The following TLK2 variants were observed in gnomAD, a reference collection of about 807,000 sequenced individuals.
TLK2 encodes tousled like kinase 2.
A neutral mutation model predicts 117.3 loss-of-function variants in TLK2; 6 were observed. The observed-to-expected ratio is 0.05, with a 90% CI of 0.03 to 0.10. TLK2 has a LOEUF of 0.10. TLK2 is among the 10% of genes least tolerant of loss of function. The pLI, the probability that TLK2 is intolerant of heterozygous loss-of-function variation, is 1.00. For synonymous variants in TLK2, 257 were observed against 316.7 expected, an observed-to-expected ratio of 0.81 and a Z score of 2.00; for missense variants, 299 against 901.2, an observed-to-expected ratio of 0.33 and a Z score of 8.56.
chr17:62,608,249 C>A, intron 21 of TLK2, 101 bp downstream of exon 21: 1 of 869,900 alleles, frequency 1.1e-6, no homozygotes, highest in Non-Finnish European at 1.8e-6. Flanking sequence ...TGAAATTCAG[C>A]AGTTAATAAA....
At chr17:62,553,132 G>A (rs894539596) in intron 8 of TLK2, among the ~76,000 whole-genome samples, 1 of 152,256 alleles carries the variant, frequency 6.6e-6, no homozygotes. Flanking sequence ...AGACAGGATC[G>A]TTGGCAATCT....
chr17:62,574,824 AC>A lies in TLK2; in HGVS notation c.1121+1458del, dbSNP rs1413382240. Among the ~76,000 whole-genome samples the A allele has an allele frequency of 2.6e-5, 4 of 152,252 alleles. No individual in the cohort carries two copies. In the South Asian group the frequency reaches 6.2e-4, roughly 24 times the overall value. On this transcript the variant is annotated intron_variant, in intron 12 of 21. Transcript: ENST00000346027. ...AGCTACTGCACCCAGCCCAAATGTT[AC>A]AAAACTAGAGTCTTGTTTTCCCTTG...
intron 2 of TLK2, among the ~76,000 whole-genome samples, chr17:62,493,946 C>T (rs545911984): frequency 1.3e-5 from 2 of 151,892 alleles, no homozygotes; most frequent in African/African-American, 2.4e-5. Context: ...TTAGTAGAGA[C>T]GGGGTTTCAC....
At position 62,578,581 on chromosome 17, in the gene TLK2, T is replaced by C. The variant is rs754099547; in HGVS notation, c.1286+7T>C. On this transcript the variant is annotated splice_region_variant and intron_variant, in intron 14 of 21. Transcript: ENST00000346027. Reference sequence around the variant, plus strand: ...ATAATGAAGATAATTCACAGTAAGCTACTTCAGGGCATATTGGGTTGGAGA... The same window carrying C: ...ATAATGAAGATAATTCACAGTAAGCCACTTCAGGGCATATTGGGTTGGAGA... 1.9e-6 allele frequency: 3 copies of C among 1,603,276 alleles called. No individual in the cohort carries two copies. Among genetic ancestry groups the C allele is most frequent in the Non-Finnish European group, 2.6e-6 (3 of 1,170,370 alleles).
At chr17:62,552,708 C>A (rs1226425886) in intron 8 of TLK2, among the ~76,000 whole-genome samples, 1 of 149,922 alleles carries the variant, frequency 6.7e-6, no homozygotes, top group East Asian at 1.9e-4. Context: ...AGAAAAGTAC[C>A]TACGCTTTGA....
At chr17:62,548,974 CATG>C (rs1438364785) in intron 7 of TLK2, among the ~76,000 whole-genome samples, 2 of 151,266 alleles carry the variant, frequency 1.3e-5, no homozygotes, top group Non-Finnish European at 3.0e-5. Flanking sequence ...CTCCTGACCT[CATG>C]ATCCACCCAC....
intron 17 of TLK2, among the ~76,000 whole-genome samples, chr17:62,599,425 C>CGCT (rs2082716305): frequency 6.6e-6 from 1 of 152,182 alleles, no homozygotes; most frequent in African/African-American, 2.4e-5. Flanking sequence ...CTCGCCCTTT[C>CGCT]GCTGCTCTGT....
At chr17:62,542,479 A>G (rs2077606740) in intron 7 of TLK2, among the ~76,000 whole-genome samples, 1 of 152,138 alleles carries the variant, frequency 6.6e-6, no homozygotes, top group African/African-American at 2.4e-5. Context: ...ACTTTCACCC[A>G]GTCTTTCTTT....
At chr17:62,584,213 T>C (rs1309036883) in intron 15 of TLK2, among the ~76,000 whole-genome samples, 2 of 144,906 alleles carry the variant, frequency 1.4e-5, no homozygotes, top group African/African-American at 5.2e-5. Flanking sequence ...GCCTCCCGGG[T>C]TCACGCCATT....
At chr17:62,532,566 A>AT (rs1217371721) in intron 6 of TLK2, among the ~76,000 whole-genome samples, 10 of 152,198 alleles carry the variant, frequency 6.6e-5, no homozygotes, top group Non-Finnish European at 1.5e-4. Context: ...AAGGAAAATT[A>AT]TTTCCTTTAT....
chr17:62,566,989 A>G (rs1456216047), intron 11 of TLK2, among the ~76,000 whole-genome samples: 4 of 152,178 alleles, frequency 2.6e-5, no homozygotes, highest in Admixed American at 6.6e-5. Flanking sequence ...GCACTTTGGG[A>G]GGCCGAAGCG....
chr17:62,488,937 C>T (rs1353413476), intron 2 of TLK2, among the ~76,000 whole-genome samples: 2 of 149,906 alleles, frequency 1.3e-5, no homozygotes, highest in Non-Finnish European at 3.0e-5. Flanking sequence ...GTGCTCCTCC[C>T]GCCTCAGCCT....
rs556900516 is a variant in TLK2 at position 62,612,289 on chromosome 17, T to C, written c.2080-103T>C. Reference sequence around the variant, plus strand: ...AAGGCCTTAAGCCCCTTCTCTTTAGTTGATATTTGCTCTGGGCCCTGGCAG... The same window carrying C: ...AAGGCCTTAAGCCCCTTCTCTTTAGCTGATATTTGCTCTGGGCCCTGGCAG... On this transcript the variant is annotated intron_variant, in intron 21 of 21. Coordinates refer to ENST00000346027, the MANE Select transcript of TLK2 (RefSeq NM_006852.6). The C allele has an allele frequency of 4.6e-5, 60 of 1,292,528 alleles. No individual in the cohort carries two copies. The South Asian group carries it at 8.5e-4, about 18-fold the overall frequency. 80.1% of individuals were successfully genotyped at this position (1,292,528 alleles called of 1,614,324 possible).
rs1307004918 is a variant in TLK2, at chr17:62,573,458, G to C, written c.1121+91G>C. ...TCACCGGCAATAGTTTTAAATTCTT[G>C]AGGTCACTCAGGTTTAAACCTTCTT... On this transcript the variant is annotated intron_variant, in intron 12 of 21. Coordinates refer to ENST00000346027, the MANE Select transcript of TLK2 (RefSeq NM_006852.6). The C allele has an allele frequency of 3.9e-6, 6 of 1,530,894 alleles. No homozygotes were observed. The East Asian group carries it at 9.2e-5, about 24-fold the overall frequency. 94.8% of individuals were successfully genotyped at this position (1,530,894 alleles called of 1,614,324 possible). A position where few individuals can be genotyped will look rare whatever the true frequency, so the allele number is the denominator to read the frequency against.
chr17:62,525,076 G>A (rs1011108595), intron 6 of TLK2, among the ~76,000 whole-genome samples: 5 of 152,268 alleles, frequency 3.3e-5, no homozygotes, highest in Non-Finnish European at 5.9e-5. Context: ...CAGTGTCTTC[G>A]CATTATTTGT....
Position 62,554,467 on chromosome 17 carries a change from A to G in TLK2, c.720+712A>G, listed in dbSNP as rs570858827. Among the ~76,000 whole-genome samples the G allele has an allele frequency of 8.7e-4, 132 of 152,258 alleles. 1 individual carries two copies. Among genetic ancestry groups the G allele is most frequent in the African/African-American group, 3.0e-3 (125 of 41,550 alleles). ...GTGTGGTGGCAAGCGGCTGTAGTCT[A>G]GCTACTTGGGAGGCTGAGACAGGAG... On this transcript the variant is annotated intron_variant, in intron 9 of 21. Transcript: ENST00000346027.
intron 18 of TLK2, 68 bp from the exon 19 acceptor site, chr17:62,601,974 C>G (rs2082906842): frequency 7.7e-6 from 11 of 1,427,450 alleles, no homozygotes; most frequent in Non-Finnish European, 1.1e-5. Context: ...TTCTTATCTG[C>G]TATTACTTTG....
chr17:62,593,054 A>G (rs1383902673), intron 16 of TLK2, among the ~76,000 whole-genome samples: 3 of 152,140 alleles, frequency 2.0e-5, no homozygotes, highest in Admixed American at 6.6e-5. Context: ...AGCTTTGCTC[A>G]CTCACCCACT....
At chr17:62,533,954 G>A (rs1288581386) in intron 6 of TLK2, among the ~76,000 whole-genome samples, 2 of 151,514 alleles carry the variant, frequency 1.3e-5, no homozygotes. Flanking sequence ...ATAAGTTCCC[G>A]CTAATATGAA....
Sources: allele counts gnomAD v4.1 joint callset (sites outside exome capture counted in the v4.1 genomes callset), GRCh38; gene constraint gnomAD v4.1.1; transcripts MANE v1.5; gene names NCBI Gene and HGNC (gene_info 2026-07-23, HGNC 2026-07-21).